RFX7: variants seen among roughly 807,000 people sequenced by gnomAD.
The protein encoded by RFX7 is regulatory factor X7.
In RFX7, 26 loss-of-function variants were observed where a neutral mutation model predicts 111.8. That is an observed-to-expected ratio of 0.23 (90% CI 0.17 to 0.32). The LOEUF is 0.32. Among genes scored for constraint, RFX7 ranks in the 10% least tolerant of loss-of-function variants. The pLI, the probability that RFX7 is intolerant of heterozygous loss-of-function variation, is 1.00. For missense variants in RFX7, 1,573 were observed against 1,772.9 expected (o/e 0.89, Z 2.02); for synonymous variants, 624 against 624.4 (o/e 1.00, Z 0.01).
intron 3 of RFX7, among the ~76,000 whole-genome samples, chr15:56,174,742 G>A (rs979079848): frequency 6.6e-6 from 1 of 151,918 alleles, no homozygotes; most frequent in South Asian, 2.1e-4. Context: ...GCCAGACTCC[G>A]TCTAAGAAAA....
At chr15:56,153,655 A>G (rs1419652551) in intron 3 of RFX7, among the ~76,000 whole-genome samples, 2 of 152,214 alleles carry the variant, frequency 1.3e-5, no homozygotes, top group Non-Finnish European at 2.9e-5. Flanking sequence ...AAATAATAAG[A>G]GCTATTTATG....
chr15:56,190,108 T>A (rs1347179745), intron 2 of RFX7, among the ~76,000 whole-genome samples: 1 of 152,256 alleles, frequency 6.6e-6, no homozygotes, highest in Non-Finnish European at 1.5e-5. Flanking sequence ...TATATGATTT[T>A]ACTTATATGA....
intron 2 of RFX7, among the ~76,000 whole-genome samples, chr15:56,204,081 C>T (rs1596007231): frequency 2.1e-5 from 3 of 143,460 alleles, no homozygotes; most frequent in African/African-American, 8.0e-5. Context: ...AGTGCAGTGG[C>T]CCAATCGTGG....
chr15:56,191,546 T>C (rs1416353808), intron 2 of RFX7, among the ~76,000 whole-genome samples: 3 of 152,226 alleles, frequency 2.0e-5, no homozygotes, highest in Admixed American at 2.0e-4. Context: ...AAATATTTCA[T>C]AATTTAAATG....
chr15:56,111,621 G>T (rs1364145822), intron 5 of RFX7, among the ~76,000 whole-genome samples: 2 of 109,352 alleles, frequency 1.8e-5, no homozygotes, highest in Non-Finnish European at 3.6e-5. Flanking sequence ...CCCCCTCTGC[G>T]AGAAACACCC....
At chr15:56,238,090 T>C (rs2043645075) in intron 2 of RFX7, among the ~76,000 whole-genome samples, 1 of 152,204 alleles carries the variant, frequency 6.6e-6, no homozygotes, top group African/African-American at 2.4e-5. Context: ...GTACATGTTT[T>C]CCACTGTAGC....
intron 2 of RFX7, 72 bp downstream of exon 2, chr15:56,243,051 CCG>C: frequency 1.0e-5 from 7 of 685,090 alleles, no homozygotes; most frequent in Admixed American, 7.6e-5. Context: ...CTCCCCCCGC[CCG>C]CCGCCCCCCA....
chr15:56,190,809 G>T (rs1414943349), intron 2 of RFX7, among the ~76,000 whole-genome samples: 1 of 151,754 alleles, frequency 6.6e-6, no homozygotes, highest in African/African-American at 2.4e-5. Context: ...TAATATGAAA[G>T]ACAGGAAAAA....
At chr15:56,125,680 T>C (rs2042135416) in intron 5 of RFX7, among the ~76,000 whole-genome samples, 1 of 151,854 alleles carries the variant, frequency 6.6e-6, no homozygotes, top group African/African-American at 2.4e-5. Context: ...ACTTTCTTGA[T>C]TGCTTTTTTC....
intron 2 of RFX7, among the ~76,000 whole-genome samples, chr15:56,211,275 C>G (rs1334543200): frequency 6.6e-6 from 1 of 152,028 alleles, no homozygotes; most frequent in South Asian, 2.1e-4. Context: ...ATCTTTGACA[C>G]AGGAGCAAAG....
chr15:56,185,298 T>C (rs567235190), intron 2 of RFX7, among the ~76,000 whole-genome samples: 271 of 151,854 alleles, frequency 1.8e-3, no homozygotes, highest in Admixed American at 2.9e-3. Context: ...GTTTTCATGA[T>C]GAAAACTTCC....
chr15:56,217,099 A>C (rs1223344801), intron 2 of RFX7, among the ~76,000 whole-genome samples: 3 of 151,224 alleles, frequency 2.0e-5, no homozygotes, highest in Admixed American at 6.6e-5. Context: ...TATATTGACC[A>C]TTGTCAAATT....
intron 2 of RFX7, among the ~76,000 whole-genome samples, chr15:56,219,580 T>C (rs1373666659): frequency 2.0e-5 from 3 of 152,202 alleles, no homozygotes; most frequent in African/African-American, 7.2e-5. Flanking sequence ...GTGTTCTCAA[T>C]GTTTAGCTCC....
intron 5 of RFX7, among the ~76,000 whole-genome samples, chr15:56,109,196 C>T (rs2041873869): frequency 6.6e-6 from 1 of 152,246 alleles, no homozygotes; most frequent in Admixed American, 6.5e-5. Context: ...CAGGCGCGCG[C>T]CGCCACGCCT....
chr15:56,175,242 C>T (rs573669330), intron 3 of RFX7, among the ~76,000 whole-genome samples: 3 of 151,994 alleles, frequency 2.0e-5, no homozygotes, highest in East Asian at 1.9e-4. Context: ...AAAACCTATA[C>T]ACAGAAAATA....
rs2041548400 is a variant in RFX7 at position 56,087,993 on chromosome 15, A to G, written c.*5352T>C. The G allele has an allele frequency of 1.2e-5, 4 of 342,844 alleles. No individual in the cohort carries two copies. The highest frequency in any genetic ancestry group is 1.7e-5 in the Non-Finnish European group (3 of 175,554). 21.2% of individuals were successfully genotyped at this position (342,844 alleles called of 1,614,324 possible). ...TCTCCTAATACATCAGGGTATTTCT[A>G]TGGAGAGAAGGGAGGGAAAAGGATT... On this transcript the variant is annotated 3_prime_UTR_variant, in exon 10 of 10. Transcript: ENST00000559447.
intron 3 of RFX7, among the ~76,000 whole-genome samples, chr15:56,157,734 C>G (rs1352425989): frequency 6.6e-6 from 1 of 152,174 alleles, no homozygotes; most frequent in Admixed American, 6.5e-5. Flanking sequence ...CGTGTGCCAC[C>G]ACGCCCAGTT....
intron 2 of RFX7, among the ~76,000 whole-genome samples, chr15:56,211,721 C>A (rs1160871020): frequency 1.3e-5 from 2 of 151,996 alleles, no homozygotes; most frequent in Non-Finnish European, 2.9e-5. Context: ...GGGACAAAGA[C>A]CTGAATAGAT....
chr15:56,244,296 CTT>C (rs1230586699), upstream of RFX7: 5 of 152,310 alleles, frequency 3.3e-5, no homozygotes, highest in Non-Finnish European at 5.9e-5. Context: ...GATAAACTGA[CTT>C]TTCAGAAGCC....
Sources: gnomAD v4.1 joint callset for allele counts (sites outside exome capture counted in the v4.1 genomes callset) on GRCh38, gnomAD v4.1.1 for gene constraint, MANE v1.5 for transcripts, NCBI Gene and HGNC (gene_info 2026-07-23, HGNC 2026-07-21) for gene names.